KIF3C: variants seen among roughly 807,000 people sequenced by gnomAD.
The protein encoded by KIF3C is kinesin family member 3C.
In KIF3C, 12 loss-of-function variants were observed where a neutral mutation model predicts 67.7. The observed-to-expected ratio is 0.18, with a 90% CI of 0.11 to 0.29. KIF3C has a LOEUF of 0.29. KIF3C is among the 10% of genes least tolerant of loss of function. The pLI is 1.00. For synonymous variants in KIF3C, 393 were observed against 426.2 expected (o/e 0.92, Z 0.96); for missense variants, 789 against 1,059.6 (o/e 0.74, Z 3.55).
At chr2:25,967,816 A>C (rs900205655) in intron 1 of KIF3C, among the ~76,000 whole-genome samples, 4 of 152,176 alleles carry the variant, frequency 2.6e-5, no homozygotes, top group Non-Finnish European at 4.4e-5. Flanking sequence ...ACAGAGTGAG[A>C]CCCTGTCTCA....
At position 25,953,677 on chromosome 2, in the gene KIF3C, T is replaced by TG. The variant is rs1332461655; in HGVS notation, c.1889+589_1889+590insC. Among the ~76,000 whole-genome samples, 328 of 117,038 alleles carry TG rather than the reference T, an allele frequency of 2.8e-3. 3 individuals are homozygous for TG. The highest frequency in any genetic ancestry group is 9.7e-3 in the African/African-American group (293 of 30,182). The allele number at this position is 117,038 out of a possible 152,430, so 76.8% of individuals were successfully genotyped here. A position where few individuals can be genotyped will look rare whatever the true frequency, so the allele number is the denominator to read the frequency against. On this transcript the variant is annotated intron_variant, in intron 4 of 7. Transcript: ENST00000264712. Reference sequence around the variant, plus strand: ...GCCCGGCCTTTTTTGTTTTTGTTTTTTTTTTTTTTTTGAGACGTTGTCTCG... The same window carrying TG: ...GCCCGGCCTTTTTTGTTTTTGTTTTTGTTTTTTTTTTTGAGACGTTGTCTCG...
chr2:25,982,190 G>C lies in KIF3C; in HGVS notation c.-273C>G. On this transcript the variant is annotated 5_prime_UTR_variant, in exon 1 of 8. Transcript: ENST00000264712. ...CGGGAGCAGCGCCTGCCGAGCAGCC[G>C]TGCCCGGAGCCCGCCCCATGCAGGA... The C allele has an allele frequency of 2.2e-6, 1 of 444,856 alleles. No individual in the cohort carries two copies. Among genetic ancestry groups the C allele is most frequent in the Non-Finnish European group, 3.9e-6 (1 of 253,276 alleles). The allele number at this position is 444,856 out of a possible 1,614,324, so 27.6% of individuals were successfully genotyped here.
intron 1 of KIF3C, among the ~76,000 whole-genome samples, chr2:25,974,464 G>A (rs1488918673): frequency 4.6e-5 from 7 of 152,076 alleles, no homozygotes; most frequent in Non-Finnish European, 1.0e-4. Context: ...GTCTCCCAAA[G>A]TGCTGGGATT....
In KIF3C at chr2:25,975,026, C is replaced by CAAAAAAAAAAAA. The variant is rs1196962529; in HGVS notation, c.1545+5335_1545+5346dup. Among the ~76,000 whole-genome samples, 109 of 116,484 alleles carry CAAAAAAAAAAAA rather than the reference C, an allele frequency of 9.4e-4. 1 individual carries two copies. Among genetic ancestry groups the CAAAAAAAAAAAA allele is most frequent in the Middle Eastern group, 4.5e-3 (1 of 222 alleles). The allele number at this position is 116,484 out of a possible 152,430, so 76.4% of individuals were successfully genotyped here. A position where few individuals can be genotyped will look rare whatever the true frequency, so the allele number is the denominator to read the frequency against. ...GGGCAACAAAAGTGAAACTCCATCT[C>CAAAAAAAAAAAA]AAAAAAAAAAAAAATGAGACCCAAT... is the stretch of plus-strand genomic sequence containing the variant. On this transcript the variant is annotated intron_variant, in intron 1 of 7. Transcript: ENST00000264712.
At chr2:25,929,276 G>A (rs760658889) in intron 7 of KIF3C, 29 bp downstream of exon 7, 2 of 1,605,538 alleles carry the variant, frequency 1.2e-6, no homozygotes, top group Non-Finnish European at 8.5e-7. Context: ...CCTGGGTCCA[G>A]TGCTGCCTGG....
In KIF3C at chr2:25,929,492, T is replaced by C. The variant is rs1428148939; in HGVS notation, c.2116-15A>G. 6.2e-7 allele frequency: 1 copy of C among 1,612,504 alleles called. No homozygotes were observed. Among genetic ancestry groups the C allele is most frequent in the African/African-American group, 1.3e-5 (1 of 74,896 alleles). ...ATGTTTTCAGCCTGTGGTGGGAATA[T>C]CATGCCAGGCTTGAACAGTGCCCAG... On this transcript the variant is annotated splice_polypyrimidine_tract_variant and intron_variant, in intron 6 of 7. Transcript: ENST00000264712.
chr2:25,963,415 C>T (rs374369925), intron 1 of KIF3C, among the ~76,000 whole-genome samples: 1 of 148,522 alleles, frequency 6.7e-6, no homozygotes, highest in African/African-American at 2.5e-5. Flanking sequence ...GCCATGTTGC[C>T]CAGGCTGGCT....
At chr2:25,976,395 T>C (rs1664416089) in intron 1 of KIF3C, among the ~76,000 whole-genome samples, 1 of 152,194 alleles carries the variant, frequency 6.6e-6, no homozygotes, top group African/African-American at 2.4e-5. Context: ...GTATCATCTG[T>C]ACACAAACAC....
At chr2:25,952,560 TATA>T (rs1450660997) in intron 4 of KIF3C, among the ~76,000 whole-genome samples, 3,213 of 89,314 alleles carry the variant, frequency 0.036, 42 homozygotes, top group East Asian at 0.22. Flanking sequence ...TATATATATA[TATA>T]TTTTTTTTTT....
chr2:25,970,268 G>C (rs919019226), intron 1 of KIF3C, among the ~76,000 whole-genome samples: 1 of 152,158 alleles, frequency 6.6e-6, no homozygotes, highest in African/African-American at 2.4e-5. Context: ...CTAGGTGTGC[G>C]AACTTGGAAT....
intron 1 of KIF3C, among the ~76,000 whole-genome samples, chr2:25,976,589 G>A (rs1001099872): frequency 4.6e-5 from 7 of 151,828 alleles, no homozygotes; most frequent in African/African-American, 7.3e-5. Flanking sequence ...ATGAAACCCC[G>A]TCTCTACTAA....
chr2:25,975,068 G>C (rs1021387415), intron 1 of KIF3C, among the ~76,000 whole-genome samples: 1 of 148,558 alleles, frequency 6.7e-6, no homozygotes, highest in African/African-American at 2.5e-5. Context: ...TTCCAGTCTC[G>C]GGCTTCTTTC....
At chr2:25,938,356 T>C (rs767045523) in intron 5 of KIF3C, 5 of 293,860 alleles carry the variant, frequency 1.7e-5, no homozygotes, top group South Asian at 1.1e-4. Context: ...AGTCTGAGTC[T>C]CAAAAAAAAA....
In KIF3C at chr2:25,955,034, C is replaced by T. The variant is rs1044495561; in HGVS notation, c.1770+507G>A. Among the ~76,000 whole-genome samples, 1 of 152,192 alleles carries T rather than the reference C, an allele frequency of 6.6e-6. No individual in the cohort carries two copies. The highest frequency in any genetic ancestry group is 1.5e-5 in the Non-Finnish European group (1 of 68,026). On this transcript the variant is annotated intron_variant, in intron 3 of 7. Transcript: ENST00000264712. The surrounding 1 kb of genome is among the most constrained non-coding windows in gnomAD (Gnocchi z 5.0). The stretch of plus-strand genomic sequence containing the variant: ...TCCCAGAATCCAAGCTAGAGCTTTG[C>T]TGCTTCCTGCCCTAGACCCCCCTCA...
chr2:25,938,735 A>C (rs549392025), intron 5 of KIF3C, among the ~76,000 whole-genome samples: 104 of 152,178 alleles, frequency 6.8e-4, no homozygotes, highest in African/African-American at 2.5e-3. Context: ...AGGTTTTGGC[A>C]GCCCGGAGCT....
At chr2:25,968,372 C>T (rs532573630) in intron 1 of KIF3C, among the ~76,000 whole-genome samples, 14 of 152,244 alleles carry the variant, frequency 9.2e-5, no homozygotes, top group African/African-American at 3.1e-4. Flanking sequence ...ACTCCAGTAC[C>T]AGCCTTAAAC....
At chr2:25,946,438 C>T (rs755183739) in intron 5 of KIF3C, among the ~76,000 whole-genome samples, 1 of 152,134 alleles carries the variant, frequency 6.6e-6, no homozygotes, top group African/African-American at 2.4e-5. Flanking sequence ...CGCCTGTAAT[C>T]CCAGCATTTT....
chr2:25,928,600 G>GGCCGTATCAT lies in KIF3C; in HGVS notation c.*377_*378insATGATACGGC. On this transcript the variant is annotated 3_prime_UTR_variant, in exon 8 of 8. Transcript: ENST00000264712. ...AGATGGAGGTTATGGAGTGCGGTGG[G>GGCCGTATCAT]TAGAAAAGGGACTGTCTTCTCAGGC... 1 of 175,892 alleles carries GGCCGTATCAT rather than the reference G, an allele frequency of 5.7e-6. No individual in the cohort carries two copies. The highest frequency in any genetic ancestry group is 1.3e-4 in the South Asian group (1 of 7,762). The allele number at this position is 175,892 out of a possible 1,614,324, so 10.9% of individuals were successfully genotyped here. A position where few individuals can be genotyped will look rare whatever the true frequency, so the allele number is the denominator to read the frequency against.
chr2:25,952,141 CAAA>C (rs1031063562), intron 4 of KIF3C, among the ~76,000 whole-genome samples: 2 of 150,792 alleles, frequency 1.3e-5, no homozygotes, highest in African/African-American at 4.9e-5. Context: ...ACTAAAAATA[CAAA>C]AAAAAATTAG....
Sources: gnomAD v4.1 joint callset for allele counts (sites outside exome capture counted in the v4.1 genomes callset) on GRCh38, gnomAD v4.1.1 for gene constraint, Gnocchi (gnomAD v3.1) non-coding constraint, MANE v1.5 for transcripts, NCBI Gene and HGNC (gene_info 2026-07-23, HGNC 2026-07-21) for gene names.